SCN11A: variants seen among roughly 807,000 people sequenced by gnomAD.
SCN11A encodes sodium voltage-gated channel alpha subunit 11.
Under a neutral mutation model 162.2 loss-of-function variants are expected in SCN11A, and 122 were observed. The ratio of observed to expected loss-of-function variants is 0.75; its 90% CI spans 0.65 to 0.87. The LOEUF is 0.87. Ranked by LOEUF, SCN11A falls within the 40% of genes least tolerant of loss-of-function variation. SCN11A has a pLI of 0.00. For synonymous variants in SCN11A, 758 were observed against 751.5 expected, an observed-to-expected ratio of 1.01 and a Z score of -0.14; for missense variants, 2,015 against 2,181.6, an observed-to-expected ratio of 0.92 and a Z score of 1.52.
chr3:38,872,088 A>G (rs779429617), intron 24 of SCN11A, 105 bp downstream of exon 24: 23 of 765,778 alleles, frequency 3.0e-5, no homozygotes, highest in Non-Finnish European at 4.8e-5. Context: ...GAAGTAACCC[A>G]GGAAAAGCTT....
intron 2 of SCN11A, among the ~76,000 whole-genome samples, chr3:39,009,425 C>T (rs962224428): frequency 2.0e-5 from 3 of 150,088 alleles, no homozygotes; most frequent in Non-Finnish European, 4.4e-5. Context: ...TATATATATA[C>T]ATATATATAT....
intron 2 of SCN11A, among the ~76,000 whole-genome samples, chr3:39,019,834 C>A (rs1009071796): frequency 6.6e-6 from 1 of 152,070 alleles, no homozygotes; most frequent in African/African-American, 2.4e-5. Context: ...TAGGGTTTTT[C>A]TTATCATCGC....
At chr3:39,035,918 C>T (rs1246650761) in intron 1 of SCN11A, among the ~76,000 whole-genome samples, 2 of 152,206 alleles carry the variant, frequency 1.3e-5, no homozygotes, top group Non-Finnish European at 2.9e-5. Flanking sequence ...GGATTACAGG[C>T]GTGAGCCACT....
At chr3:38,932,553 C>T (rs538570163) in intron 7 of SCN11A, among the ~76,000 whole-genome samples, 4 of 152,318 alleles carry the variant, frequency 2.6e-5, no homozygotes, top group Admixed American at 2.0e-4. Context: ...TAAAAAATGG[C>T]GCACCAGGAG....
intron 23 of SCN11A, among the ~76,000 whole-genome samples, chr3:38,873,898 G>A (rs2065167985): frequency 6.6e-6 from 1 of 152,114 alleles, no homozygotes; most frequent in Admixed American, 6.6e-5. Flanking sequence ...TGTAACTGTT[G>A]AGGAATAGTA....
At position 38,910,151 on chromosome 3, in the gene SCN11A, T is replaced by C. The variant is rs2125538243; in HGVS notation, c.1016A>G (p.Tyr339Cys). ...CCAGCCAAAGTTGTCAAAATTCGTA[T>C]AATTATAGTCAGGATTAATTTTGGT... Reference protein sequence around the residue: ...KHTKINPDYNYTNFDNFGWSF... With the variant: ...KHTKINPDYNCTNFDNFGWSF... Residue 339 changes from tyrosine to cysteine, a missense_variant, in exon 12 of 30, where the codon TAT becomes TGT. Coordinates refer to ENST00000302328, the MANE Select transcript of SCN11A (RefSeq NM_001349253.2). 1 of 1,613,804 alleles carries C rather than the reference T, an allele frequency of 6.2e-7. No homozygotes were observed. Among genetic ancestry groups the C allele is most frequent in the Non-Finnish European group, 8.5e-7 (1 of 1,179,766 alleles).
intron 2 of SCN11A, among the ~76,000 whole-genome samples, chr3:39,029,668 T>C (rs1169816772): frequency 6.6e-6 from 1 of 152,218 alleles, no homozygotes; most frequent in African/African-American, 2.4e-5. Context: ...TGTTACCTTC[T>C]CATTCATAGC....
intron 28 of SCN11A, among the ~76,000 whole-genome samples, chr3:38,853,472 C>CA (rs1201975259): frequency 6.6e-6 from 1 of 152,130 alleles, no homozygotes; most frequent in African/African-American, 2.4e-5. Context: ...ACCCTGTGGT[C>CA]AAAAATCTCT....
At chr3:38,999,533 A>G (rs2030744841) in intron 2 of SCN11A, among the ~76,000 whole-genome samples, 1 of 151,356 alleles carries the variant, frequency 6.6e-6, no homozygotes, top group African/African-American at 2.5e-5. Context: ...TCTCTTCTTC[A>G]ATTGTAATCA....
chr3:38,955,590 T>C (rs1045451625), intron 3 of SCN11A, among the ~76,000 whole-genome samples: 1 of 152,230 alleles, frequency 6.6e-6, no homozygotes, highest in African/African-American at 2.4e-5. Flanking sequence ...CAAACCCTTA[T>C]GGTGAAATTT....
At chr3:38,975,590 T>A (rs1575343874) in intron 2 of SCN11A, among the ~76,000 whole-genome samples, 1 of 152,252 alleles carries the variant, frequency 6.6e-6, no homozygotes, top group African/African-American at 2.4e-5. Context: ...TCAACTTCTT[T>A]AGCAAGCTGA....
At chr3:38,868,561 T>C (rs2065077235) in intron 26 of SCN11A, among the ~76,000 whole-genome samples, 2 of 152,238 alleles carry the variant, frequency 1.3e-5, no homozygotes, top group Admixed American at 1.3e-4. Flanking sequence ...TGGAGAGTTT[T>C]ATTGGAGGGA....
rs565657253 is a variant in SCN11A, at chr3:38,938,041, G to A, written c.488+7370C>T. Among the ~76,000 whole-genome samples the A allele has an allele frequency of 1.6e-4, 24 of 152,036 alleles. No individual in the cohort carries two copies. The East Asian group carries it at 3.9e-3, about 24-fold the overall frequency. Reference sequence around the variant, plus strand: ...GTGGCACATATACACCATGGAATACGATGCAGCCATAAAAAATGATGAGTT... The same window carrying A: ...GTGGCACATATACACCATGGAATACAATGCAGCCATAAAAAATGATGAGTT... On this transcript the variant is annotated intron_variant, in intron 7 of 29. Transcript: ENST00000302328.
intron 16 of SCN11A, among the ~76,000 whole-genome samples, chr3:38,903,030 C>T (rs2065728837): frequency 6.6e-6 from 1 of 151,928 alleles, no homozygotes; most frequent in Non-Finnish European, 1.5e-5. Flanking sequence ...CTTCTATTTC[C>T]CTTATTTATA....
intron 2 of SCN11A, among the ~76,000 whole-genome samples, chr3:38,970,858 G>C (rs1013343266): frequency 6.6e-6 from 1 of 152,206 alleles, no homozygotes; most frequent in Non-Finnish European, 1.5e-5. Flanking sequence ...CTCAAAAGGA[G>C]GGGCAGGTGT....
chr3:38,879,186 A>T (rs942915582), intron 23 of SCN11A, among the ~76,000 whole-genome samples: 1 of 152,134 alleles, frequency 6.6e-6, no homozygotes, highest in Non-Finnish European at 1.5e-5. Context: ...TAGCCTCTCT[A>T]TGACTTACTT....
Position 38,847,486 on chromosome 3 carries a change from G to C in SCN11A, c.4584C>G (p.Ile1528Met), listed in dbSNP as rs753282934. 3.7e-6 allele frequency: 6 copies of C among 1,614,170 alleles called. No homozygotes were observed. In the South Asian group the frequency reaches 6.6e-5, roughly 18 times the overall value. ...AAGTCTTGAAGTTGAATATGTCATCGATTCCAGACTCTGGATTCACTTTGG... is the reference window on the plus strand; with the variant it reads ...AAGTCTTGAAGTTGAATATGTCATCCATTCCAGACTCTGGATTCACTTTGG... Reference protein sequence around the residue: ...WFSKVNPESGIDDIFNFKTFA... With the variant: ...WFSKVNPESGMDDIFNFKTFA... Residue 1528 changes from isoleucine to methionine, a missense_variant, in exon 30 of 30, where the codon ATC becomes ATG. Ile to Met is a conservative substitution (Grantham distance 10, BLOSUM62 1). Transcript: ENST00000302328.
At chr3:38,946,652 T>C (rs1347111656) in intron 6 of SCN11A, 137 bp downstream of exon 6, 1 of 680,988 alleles carries the variant, frequency 1.5e-6, no homozygotes, top group Admixed American at 2.5e-5. Context: ...GCACAGTCCC[T>C]GCCTGCAGCA....
chr3:38,944,520 G>T (rs577818297), intron 7 of SCN11A, among the ~76,000 whole-genome samples: 1 of 151,676 alleles, frequency 6.6e-6, no homozygotes, highest in East Asian at 2.0e-4. Flanking sequence ...TAGAGATGGG[G>T]TTTCACCATG....
Sources: gnomAD v4.1 joint callset for allele counts (sites outside exome capture counted in the v4.1 genomes callset) on GRCh38, gnomAD v4.1.1 for gene constraint, MANE v1.5 for transcripts, NCBI Gene and HGNC (gene_info 2026-07-23, HGNC 2026-07-21) for gene names.